PATJ: variants seen among roughly 807,000 people sequenced by gnomAD.
PATJ encodes the protein PATJ crumbs cell polarity complex component.
PATJ carries 190 observed loss-of-function variants against 224.9 expected under a neutral mutation model. The ratio of observed to expected loss-of-function variants is 0.84; its 90% CI spans 0.75 to 0.95. PATJ has a LOEUF of 0.95. Ranked by LOEUF, PATJ falls within the 40% of genes least tolerant of loss-of-function variation. The pLI is 0.00. For synonymous variants in PATJ, 769 were observed against 820.3 expected, an observed-to-expected ratio of 0.94 and a Z score of 1.07; for missense variants, 2,121 against 2,270.3, an observed-to-expected ratio of 0.93 and a Z score of 1.34.
At chr1:62,014,516 T>C (rs1646650601) in intron 28 of PATJ, among the ~76,000 whole-genome samples, 1 of 151,914 alleles carries the variant, frequency 6.6e-6, no homozygotes, top group African/African-American at 2.4e-5. Context: ...TCTATGTCAT[T>C]AAGTATGCTT....
Position 62,108,521 on chromosome 1 carries a change from G to T in PATJ, c.4461+1G>T. 2 of 1,590,122 alleles carry T rather than the reference G, an allele frequency of 1.3e-6. No homozygotes were observed. Among genetic ancestry groups the T allele is most frequent in the East Asian group, 4.5e-5 (2 of 44,660 alleles). On this transcript the variant is annotated splice_donor_variant, in intron 34 of 43. Transcript: ENST00000642238. LOFTEE classifies it high-confidence loss of function. ...TTGGGCTGGTGACCAGATATTAGAG[G>T]TATATGGTTTTGAATTTTATTTTAT...
intron 14 of PATJ, among the ~76,000 whole-genome samples, chr1:61,812,433 A>AGT (rs71050167): frequency 0.044 from 3,699 of 85,016 alleles, 159 homozygotes; most frequent in East Asian, 0.16. Flanking sequence ...AGAGAGAGAG[A>AGT]GTGTGTGTGT....
intron 27 of PATJ, among the ~76,000 whole-genome samples, chr1:61,983,698 A>C (rs1365915777): frequency 6.6e-6 from 1 of 152,092 alleles, no homozygotes; most frequent in Non-Finnish European, 1.5e-5. Context: ...TATGCCAGAC[A>C]CTGTTGTGGG....
At chr1:62,087,025 C>T (rs2148769497) in intron 33 of PATJ, among the ~76,000 whole-genome samples, 1 of 152,312 alleles carries the variant, frequency 6.6e-6, no homozygotes, top group Non-Finnish European at 1.5e-5. Flanking sequence ...GGGGCAGCTG[C>T]TCCCCACCAG....
intron 27 of PATJ, among the ~76,000 whole-genome samples, chr1:61,947,818 T>C (rs886650675): frequency 1.3e-5 from 2 of 152,142 alleles, no homozygotes; most frequent in Admixed American, 1.3e-4. Flanking sequence ...CAAACTGTAC[T>C]ACAAGGCTAC....
At chr1:62,037,267 T>A (rs966891315) in intron 29 of PATJ, among the ~76,000 whole-genome samples, 4 of 152,140 alleles carry the variant, frequency 2.6e-5, no homozygotes, top group African/African-American at 9.7e-5. Flanking sequence ...AGGATAGTCA[T>A]TATCTCCCAC....
intron 27 of PATJ, among the ~76,000 whole-genome samples, chr1:61,962,996 G>T (rs1281446937): frequency 6.6e-6 from 1 of 152,214 alleles, no homozygotes; most frequent in African/African-American, 2.4e-5. Context: ...ATTGTCCAGA[G>T]TTTAGTTACA....
chr1:61,771,475 A>G lies in PATJ; in HGVS notation c.569A>G (p.His190Arg). 2 of 1,608,704 alleles carry G rather than the reference A, an allele frequency of 1.2e-6. No individual in the cohort carries two copies. The highest frequency in any genetic ancestry group is 1.7e-6 in the Non-Finnish European group (2 of 1,178,350). Residue 190 changes from histidine to arginine, a missense_variant, in exon 6 of 44, where the codon CAC (histidine) becomes CGC (arginine). Transcript: ENST00000642238. ...KENDQILAIN[H>R]TPLDQNISHQ... ...AATGATCAAATATTGGCCATTAATC[A>G]CACGCCATTGGATCAGAACATTTCC...
intron 23 of PATJ, among the ~76,000 whole-genome samples, chr1:61,900,594 TTTTC>T (rs554820177): frequency 6.6e-5 from 10 of 151,634 alleles, no homozygotes; most frequent in East Asian, 1.9e-4. Flanking sequence ...TTTTCTTTTC[TTTTC>T]TTTTTTTTTG....
At position 61,982,942 on chromosome 1, in the gene PATJ, A is replaced by G. The variant is rs895917282; in HGVS notation, c.3671-7226A>G. ...ATCACAATTACTTTTGTACCAACCT[A>G]ATAAAAGAATACTCTTTACCTCTTT... is the stretch of plus-strand genomic sequence containing the variant. On this transcript the variant is annotated intron_variant, in intron 27 of 43. Coordinates refer to ENST00000642238, the MANE Select transcript of PATJ (RefSeq NM_001350145.3). Among the ~76,000 whole-genome samples the G allele has an allele frequency of 3.9e-5, 6 of 152,124 alleles. 1 individual carries two copies. The highest frequency in any genetic ancestry group is 1.4e-4 in the African/African-American group (6 of 41,396).
chr1:61,906,406 C>G (rs909298022), intron 24 of PATJ, among the ~76,000 whole-genome samples: 2 of 152,048 alleles, frequency 1.3e-5, no homozygotes, highest in African/African-American at 4.8e-5. Flanking sequence ...GGCCCCATCC[C>G]GAGGCTATCC....
chr1:62,116,522 G>T lies in PATJ; in HGVS notation c.4656-10G>T, dbSNP rs1302752296. 6.2e-7 allele frequency: 1 copy of T among 1,613,744 alleles called. No homozygotes were observed. ...TGTGCCAATACTGCACTGCTGTATGGTATTAACAGAAATGGAAGCGGAGTG... is the reference window on the plus strand; with the variant it reads ...TGTGCCAATACTGCACTGCTGTATGTTATTAACAGAAATGGAAGCGGAGTG... On this transcript the variant is annotated splice_polypyrimidine_tract_variant and intron_variant, in intron 35 of 43. Transcript: ENST00000642238.
chr1:61,874,347 A>C (rs1350004898), intron 20 of PATJ, among the ~76,000 whole-genome samples: 2 of 152,138 alleles, frequency 1.3e-5, no homozygotes, highest in African/African-American at 2.4e-5. Flanking sequence ...ACAGCCATGC[A>C]CCACCATGCC....
At chr1:61,747,783 C>T (rs559200540) in intron 1 of PATJ, among the ~76,000 whole-genome samples, 2 of 152,322 alleles carry the variant, frequency 1.3e-5, no homozygotes, top group Non-Finnish European at 2.9e-5. Flanking sequence ...AACTTTACTA[C>T]AGTAAGCCAC....
intron 41 of PATJ, among the ~76,000 whole-genome samples, chr1:62,147,307 G>GA (rs397767270): frequency 5.0e-4 from 5 of 9,974 alleles, no homozygotes. Context: ...GGCCAGAAGT[G>GA]TGGAAAATAA....
chr1:61,893,661 G>A (rs1254173214), intron 22 of PATJ, among the ~76,000 whole-genome samples: 1 of 151,812 alleles, frequency 6.6e-6, no homozygotes, highest in Non-Finnish European at 1.5e-5. Context: ...AATTAGCCGG[G>A]CATGGTAGTG....
intron 18 of PATJ, among the ~76,000 whole-genome samples, chr1:61,856,615 GTCTC>G (rs910130034): frequency 6.6e-6 from 1 of 152,072 alleles, no homozygotes; most frequent in Non-Finnish European, 1.5e-5. Context: ...TATAGACAGA[GTCTC>G]TCTCTGTCAT....
At chr1:62,104,169 G>T (rs1662589011) in intron 33 of PATJ, among the ~76,000 whole-genome samples, 1 of 152,122 alleles carries the variant, frequency 6.6e-6, no homozygotes, top group African/African-American at 2.4e-5. Flanking sequence ...ACTCAGAGCT[G>T]CAGTTTTGCT....
chr1:62,071,910 C>T (rs1657488513), intron 31 of PATJ, among the ~76,000 whole-genome samples: 1 of 152,198 alleles, frequency 6.6e-6, no homozygotes, highest in Non-Finnish European at 1.5e-5. Context: ...CTACACCTCA[C>T]CACCTGGGTG....
Sources: allele counts gnomAD v4.1 joint callset (sites outside exome capture counted in the v4.1 genomes callset), GRCh38; gene constraint gnomAD v4.1.1; transcripts MANE v1.5; gene names NCBI Gene and HGNC (gene_info 2026-07-23, HGNC 2026-07-21).